The following CCER2 variants were observed in gnomAD, a reference collection of about 807,000 sequenced individuals.
CCER2 encodes coiled-coil glutamate rich protein 2, also known as coiled-coil domain-containing glutamate-rich protein 2.
Under a neutral mutation model 27.1 loss-of-function variants are expected in CCER2, and 20 were observed. That is an observed-to-expected ratio of 0.74 (90% CI 0.52 to 1.07). CCER2 has a LOEUF of 1.07. Ranked by LOEUF, CCER2 falls within the 50% of genes least tolerant of loss-of-function variation. The probability of loss-of-function intolerance (pLI) is 0.00; values close to 1 mark genes in which losing one functional copy is unlikely to be tolerated. For missense variants in CCER2, 351 were observed against 344.7 expected (o/e 1.02, Z -0.14); for synonymous variants, 140 against 144.3 (o/e 0.97, Z 0.21).
At chr19:38,909,520 A>G (rs1402638279) in intron 4 of CCER2, among the ~76,000 whole-genome samples, 195 bp from the exon 5 acceptor site, 2 of 152,182 alleles carry the variant, frequency 1.3e-5, no homozygotes, top group Non-Finnish European at 2.9e-5. Context: ...ACCACAGCCA[A>G]CAGCAGTAGC....
Position 38,911,768 on chromosome 19 carries a change from GGCCCCA to G in CCER2, c.102+38_102+43del, listed in dbSNP as rs1224812086. The G allele has an allele frequency of 2.0e-6, 3 of 1,529,046 alleles. No individual in the cohort carries two copies. The African/African-American group carries it at 4.1e-5, about 21-fold the overall frequency. The allele number at this position is 1,529,046 out of a possible 1,614,324, so 94.7% of individuals were successfully genotyped here. ...GGGGCAGGCTGTGCAGGGAGGGCAG[GGCCCCA>G]GCTAGGTGAGGCAGGGCAAGGCCTC... On this transcript the variant is annotated intron_variant, in intron 2 of 4. Transcript: ENST00000571838.
chr19:38,909,454 G>T (rs933940768), intron 4 of CCER2, 129 bp from the exon 5 acceptor site: 1 of 842,920 alleles, frequency 1.2e-6, no homozygotes, highest in Non-Finnish European at 1.9e-6. Flanking sequence ...GTCGTGGACC[G>T]CGATGGTGAC....
Position 38,910,752 on chromosome 19 carries a change from A to G in CCER2, c.522T>C (p.Ser174=). The G allele has an allele frequency of 1.3e-6, 2 of 1,534,176 alleles. No individual in the cohort carries two copies. The highest frequency in any genetic ancestry group is 2.4e-5 in the South Asian group (2 of 83,818). Residue 174 remains serine (S), a synonymous_variant, in exon 4 of 5, where the codon AGT becomes AGC. Transcript: ENST00000571838. ...DLQKRVAEKA[S]DKETAQFQAE... is the part of the protein sequence containing the mutation. ...CCTGGAACTGGGCCGTCTCTTTGTC[A>G]CTGGCCTTCTCTGCCACCCGCTTCT...
chr19:38,911,048 T>C lies in CCER2; in HGVS notation c.226A>G (p.Thr76Ala). 6.8e-7 allele frequency: 1 copy of C among 1,465,112 alleles called. No homozygotes were observed. The highest frequency in any genetic ancestry group is 9.0e-7 in the Non-Finnish European group (1 of 1,115,200). 90.8% of individuals were successfully genotyped at this position (1,465,112 alleles called of 1,614,324 possible). Residue 76 changes from threonine (T) to alanine (A), a missense_variant, in exon 4 of 5, where the codon ACC (threonine) becomes GCC (alanine). Transcript: ENST00000571838. ...CGTEPHGCAS[T>A]EEKGLLLGDF... ...CCAAGCAGCAGGCCTTTCTCCTCGG[T>C]GGACGCACAGCCGTGGGGCTCTGTC...
At position 38,910,636 on chromosome 19, in the gene CCER2, G is replaced by A. The variant is rs1342410552; in HGVS notation, c.638C>T (p.Pro213Leu). Residue 213 changes from proline to leucine, a missense_variant, in exon 4 of 5, where the codon CCC (proline) becomes CTC (leucine). Pro to Leu is a moderately conservative substitution (Grantham distance 98). Transcript: ENST00000571838. ...RGGGERREDL[P>L]HHHHHHHQPE... ...CTGGTGGTGGTGGTGGTGGTGGTGG[G>A]GCAAGTCCTCGCGCCTCTCTCCTCC... The A allele has an allele frequency of 6.5e-7, 1 of 1,528,426 alleles. No individual in the cohort carries two copies. Among genetic ancestry groups the A allele is most frequent in the Middle Eastern group, 1.7e-4 (1 of 5,946 alleles). The allele number at this position is 1,528,426 out of a possible 1,614,324, so 94.7% of individuals were successfully genotyped here. A position where few individuals can be genotyped will look rare whatever the true frequency, so the allele number is the denominator to read the frequency against.
In CCER2 at chr19:38,912,085, G is replaced by A. The variant is rs1252861762; in HGVS notation, c.61+13C>T. 6.6e-7 allele frequency: 1 copy of A among 1,523,518 alleles called. No individual in the cohort carries two copies. The highest frequency in any genetic ancestry group is 1.4e-5 in the African/African-American group (1 of 72,610). 94.4% of individuals were successfully genotyped at this position (1,523,518 alleles called of 1,614,324 possible). Reference sequence around the variant, plus strand: ...CCCTGGCAGGTCCCGCACTCGGCAGGTCCCGCACTCACCCGCCCCCAGCAG... The same window carrying A: ...CCCTGGCAGGTCCCGCACTCGGCAGATCCCGCACTCACCCGCCCCCAGCAG... On this transcript the variant is annotated intron_variant, in intron 1 of 4. Coordinates refer to ENST00000571838, the MANE Select transcript of CCER2 (RefSeq NM_001243212.2).
Position 38,910,938 on chromosome 19 carries a change from G to T in CCER2, c.336C>A (p.Thr112=). ...DEEEEEVAER[T]HKSEVQEQAI... ...CTTGTTCCTGGACCTCAGACTTGTG[G>T]GTCCTCTCTGCTACCTCCTCCTCTT... The change falls in exon 4 of 5, where the codon ACC becomes ACA. Residue 112 remains threonine (T), a synonymous_variant. Coordinates refer to ENST00000571838, the MANE Select transcript of CCER2 (RefSeq NM_001243212.2). 1 of 1,520,238 alleles carries T rather than the reference G, an allele frequency of 6.6e-7. No homozygotes were observed. The allele number at this position is 1,520,238 out of a possible 1,614,324, so 94.2% of individuals were successfully genotyped here.
Position 38,911,061 on chromosome 19 carries a change from G to T in CCER2, c.213C>A (p.His71Gln), listed in dbSNP as rs139537050. The change falls in exon 4 of 5, where the codon CAC (histidine) becomes CAA (glutamine). Residue 71 changes from histidine (H) to glutamine (Q), a missense_variant. Transcript: ENST00000571838. ...LHKELCGTEPHGCASTEEKGL... is the reference protein window; with the variant it reads ...LHKELCGTEPQGCASTEEKGL... ...CTTTCTCCTCGGTGGACGCACAGCC[G>T]TGGGGCTCTGTCCCGCACAACTCTG... 1 of 1,456,340 alleles carries T rather than the reference G, an allele frequency of 6.9e-7. No individual in the cohort carries two copies. Among genetic ancestry groups the T allele is most frequent in the Non-Finnish European group, 9.0e-7 (1 of 1,110,988 alleles). 90.2% of individuals were successfully genotyped at this position (1,456,340 alleles called of 1,614,324 possible).
intron 2 of CCER2, 69 bp downstream of exon 2, chr19:38,911,743 G>C: frequency 6.5e-7 from 1 of 1,526,902 alleles, no homozygotes. Flanking sequence ...TGAGGATCAT[G>C]GGGCAGGCTG....
intron 4 of CCER2, among the ~76,000 whole-genome samples, chr19:38,910,049 T>C (rs1974274372): frequency 6.6e-6 from 1 of 152,134 alleles, no homozygotes; most frequent in Admixed American, 6.5e-5. Flanking sequence ...TTTTTTAAAT[T>C]ATTTGTAGAG....
At chr19:38,911,703 TG>T (rs1328304146) in intron 2 of CCER2, 50 bp from the exon 3 acceptor site, 10 of 1,526,054 alleles carry the variant, frequency 6.6e-6, no homozygotes, top group Non-Finnish European at 7.9e-6. Flanking sequence ...GCAGGGGAGA[TG>T]GGGAGGAGAG....
chr19:38,910,796 C>T lies in CCER2; in HGVS notation c.478G>A (p.Glu160Lys), dbSNP rs371603378. 1,672 of 1,534,954 alleles carry T rather than the reference C, an allele frequency of 1.1e-3. 9 individuals are homozygous for T. The East Asian group carries it at 0.013, about 12-fold the overall frequency. Residue 160 changes from glutamate (E) to lysine (K), a missense_variant, in exon 4 of 5, where the codon GAG (glutamate) becomes AAG (lysine). By Grantham distance (56) the Glu-to-Lys change is moderately conservative. Transcript: ENST00000571838. Reference sequence around the variant, plus strand: ...CGCTTCTGGAGGTCCCCTCCATTCTCTAGATGCCGCTGCCACAGGTCCTCA... The same window carrying T: ...CGCTTCTGGAGGTCCCCTCCATTCTTTAGATGCCGCTGCCACAGGTCCTCA... Reference protein sequence around the residue: ...TFEDLWQRHLENGGDLQKRVA... With the variant: ...TFEDLWQRHLKNGGDLQKRVA...
In CCER2 at chr19:38,909,201, GGT is replaced by G. The variant is rs1568418396; in HGVS notation, c.*33_*34del. 2 of 1,528,626 alleles carry G rather than the reference GGT, an allele frequency of 1.3e-6. No individual in the cohort carries two copies. Among genetic ancestry groups the G allele is most frequent in the East Asian group, 2.4e-5 (1 of 40,858 alleles). 94.7% of individuals were successfully genotyped at this position (1,528,626 alleles called of 1,614,324 possible). A position where few individuals can be genotyped will look rare whatever the true frequency, so the allele number is the denominator to read the frequency against. Reference sequence around the variant, plus strand: ...CGGGGTCAACAGTCCTAAGCCACAGGGTGTGTCAGGAGGAAGGAGGGACTGAG... The same window carrying G: ...CGGGGTCAACAGTCCTAAGCCACAGGGTGTCAGGAGGAAGGAGGGACTGAG... On this transcript the variant is annotated 3_prime_UTR_variant, in exon 5 of 5. Coordinates refer to ENST00000571838, the MANE Select transcript of CCER2 (RefSeq NM_001243212.2).
At position 38,909,291 on chromosome 19, in the gene CCER2, T is replaced by C. The variant is rs565410180; in HGVS notation, c.746A>G (p.Asp249Gly). ...CGTCTCTGTCACCTTCTTCAGTTCGTCTCTCAAGTGCTCCAGCTGCTCCAC... is the reference window on the plus strand; with the variant it reads ...CGTCTCTGTCACCTTCTTCAGTTCGCCTCTCAAGTGCTCCAGCTGCTCCAC... ...KEVEQLEHLR[D>G]ELKKVTETLG... Residue 249 changes from aspartate to glycine, a missense_variant, in exon 5 of 5, where the codon GAC becomes GGC. Asp to Gly is a moderately conservative substitution (Grantham distance 94). Coordinates refer to ENST00000571838, the MANE Select transcript of CCER2 (RefSeq NM_001243212.2). 43 of 1,535,476 alleles carry C rather than the reference T, an allele frequency of 2.8e-5. No homozygotes were observed. The East Asian group carries it at 5.6e-4, about 20-fold the overall frequency.
In CCER2 at chr19:38,910,930, G is replaced by A. The variant is rs758359658; in HGVS notation, c.344C>T (p.Ser115Phe). Residue 115 changes from serine to phenylalanine, a missense_variant, in exon 4 of 5, where the codon TCT becomes TTT. Ser to Phe is a radical substitution (Grantham distance 155). Coordinates refer to ENST00000571838, the MANE Select transcript of CCER2 (RefSeq NM_001243212.2). ...EEEVAERTHK[S>F]EVQEQAIRMQ... ...GCGGATGGCTTGTTCCTGGACCTCA[G>A]ACTTGTGGGTCCTCTCTGCTACCTC... 1.3e-6 allele frequency: 2 copies of A among 1,519,776 alleles called. No homozygotes were observed. Among genetic ancestry groups the A allele is most frequent in the Non-Finnish European group, 1.8e-6 (2 of 1,138,676 alleles). The allele number at this position is 1,519,776 out of a possible 1,614,324, so 94.1% of individuals were successfully genotyped here.
Position 38,911,612 on chromosome 19 carries a change from G to C in CCER2, c.144C>G (p.Thr48=). 1 of 1,535,482 alleles carries C rather than the reference G, an allele frequency of 6.5e-7. No homozygotes were observed. Among genetic ancestry groups the C allele is most frequent in the Non-Finnish European group, 8.7e-7 (1 of 1,146,732 alleles). The part of the protein sequence containing the change: ...CLAEVVTEVL[T]VGQVQRGPCT... ...AGGGTCCTCTCTGGACCTGGCCCAC[G>C]GTCAGCACCTCTGTGACCACCTCTG... The change falls in exon 3 of 5, where the codon ACC becomes ACG. Residue 48 remains threonine (T), a synonymous_variant. Coordinates refer to ENST00000571838, the MANE Select transcript of CCER2 (RefSeq NM_001243212.2).
Position 38,910,908 on chromosome 19 carries a change from GA to G in CCER2, c.365del (p.Ile122ThrfsTer38). ...GGAGCTGGCGATGCCCTTGCATGCG[GA>G]TGGCTTGTTCCTGGACCTCAGACTT... The part of the protein sequence containing the change: ...THKSEVQEQA[I>X]RMQGHRQLHQ... On this transcript the variant is annotated frameshift_variant, in exon 4 of 5. Coordinates refer to ENST00000571838, the MANE Select transcript of CCER2 (RefSeq NM_001243212.2). LOFTEE classifies it high-confidence loss of function. 1.3e-6 allele frequency: 2 copies of G among 1,515,772 alleles called. No individual in the cohort carries two copies. Among genetic ancestry groups the G allele is most frequent in the Non-Finnish European group, 1.8e-6 (2 of 1,136,718 alleles). 93.9% of individuals were successfully genotyped at this position (1,515,772 alleles called of 1,614,324 possible).
In CCER2 at chr19:38,912,183, C is replaced by G. The variant is rs569067567; in HGVS notation, c.-25G>C. On this transcript the variant is annotated 5_prime_UTR_variant, in exon 1 of 5. Transcript: ENST00000571838. ...TGGTGGGCGTCCAACGGGTCCAAGG[C>G]GCTGTGCGGGCCAGGGTTGCAGCGC... 2.7e-6 allele frequency: 4 copies of G among 1,457,440 alleles called. No homozygotes were observed. The South Asian group carries it at 4.2e-5, about 15-fold the overall frequency. The allele number at this position is 1,457,440 out of a possible 1,614,324, so 90.3% of individuals were successfully genotyped here.
chr19:38,911,885 C>A (rs752974424), intron 1 of CCER2, 33 bp from the exon 2 acceptor site: 22 of 1,533,696 alleles, frequency 1.4e-5, no homozygotes, highest in Non-Finnish European at 1.8e-5. Flanking sequence ...TGGGCTTTGC[C>A]GCCCTGGCTG....
Sources: gnomAD v4.1 joint callset for allele counts (sites outside exome capture counted in the v4.1 genomes callset) on GRCh38, gnomAD v4.1.1 for gene constraint, MANE v1.5 for transcripts, NCBI Gene and HGNC (gene_info 2026-07-23, HGNC 2026-07-21) for gene names.